The following BMP6 variants were observed in gnomAD, a reference collection of about 807,000 sequenced individuals.
BMP6 encodes the protein bone morphogenetic protein 6.
Under a neutral mutation model 54.1 loss-of-function variants are expected in BMP6, and 17 were observed. The ratio of observed to expected loss-of-function variants is 0.31; its 90% confidence interval spans 0.22 to 0.47. BMP6 has a LOEUF of 0.47. Ranked by LOEUF, BMP6 falls within the 20% of genes least tolerant of loss-of-function variation. The pLI, the probability that BMP6 is intolerant of heterozygous loss-of-function variation, is 1.00. For synonymous variants in BMP6, 328 were observed against 291.2 expected, an observed-to-expected ratio of 1.13 and a Z score of -1.28; for missense variants, 720 against 690.4, an observed-to-expected ratio of 1.04 and a Z score of -0.48.
intron 1 of BMP6, among the ~76,000 whole-genome samples, chr6:7,737,423 C>T (rs528342684): frequency 1.6e-4 from 25 of 152,236 alleles, no homozygotes; most frequent in African/African-American, 5.5e-4. Context: ...GCCTTTCCCC[C>T]CATGGAGAAA....
intron 1 of BMP6, among the ~76,000 whole-genome samples, chr6:7,797,216 G>A (rs927622475): frequency 9.9e-5 from 15 of 152,164 alleles, no homozygotes; most frequent in African/African-American, 2.7e-4. Flanking sequence ...ATTTCAGGTG[G>A]TGCTTATTTT....
chr6:7,811,360 G>A (rs1758433094), intron 1 of BMP6, among the ~76,000 whole-genome samples: 1 of 152,142 alleles, frequency 6.6e-6, no homozygotes, highest in Admixed American at 6.5e-5. Flanking sequence ...GGGGGTCTTG[G>A]GTTGGGATAT....
At chr6:7,833,734 C>T (rs1289158188) in intron 1 of BMP6, among the ~76,000 whole-genome samples, 3 of 152,158 alleles carry the variant, frequency 2.0e-5, no homozygotes, top group South Asian at 4.1e-4. Flanking sequence ...GATGGGATTA[C>T]GTGCATGAAA....
At chr6:7,826,450 G>C (rs1758699580) in intron 1 of BMP6, among the ~76,000 whole-genome samples, 1 of 152,174 alleles carries the variant, frequency 6.6e-6, no homozygotes, top group Admixed American at 6.5e-5. Flanking sequence ...AGGTTTGAAT[G>C]ACCTGCAGGC....
chr6:7,790,514 CAAAAAAAAA>C (rs35572440), intron 1 of BMP6, among the ~76,000 whole-genome samples: 3,671 of 73,198 alleles, frequency 0.05, 53 homozygotes, highest in Middle Eastern at 0.068. Context: ...GACCCTGTCT[CAAAAAAAAA>C]AAAAAAAAAA....
At chr6:7,850,011 T>G (rs1440008001) in intron 2 of BMP6, among the ~76,000 whole-genome samples, 1 of 152,258 alleles carries the variant, frequency 6.6e-6, no homozygotes, top group Admixed American at 6.5e-5. Context: ...AAGGATGTTT[T>G]TTGTCATTTG....
At chr6:7,789,392 T>A (rs1328157987) in intron 1 of BMP6, among the ~76,000 whole-genome samples, 1 of 152,176 alleles carries the variant, frequency 6.6e-6, no homozygotes, top group Non-Finnish European at 1.5e-5. Context: ...ACCAGGCGTA[T>A]ATGTAGAGGA....
At chr6:7,810,749 A>T (rs1758423858) in intron 1 of BMP6, among the ~76,000 whole-genome samples, 1 of 152,224 alleles carries the variant, frequency 6.6e-6, no homozygotes, top group African/African-American at 2.4e-5. Context: ...GCATGAAAAT[A>T]CATTTGTTCT....
intron 4 of BMP6, among the ~76,000 whole-genome samples, chr6:7,870,962 G>T (rs753276911): frequency 2.6e-5 from 4 of 152,178 alleles, no homozygotes; most frequent in Non-Finnish European, 5.9e-5. Flanking sequence ...CTCCATCCCC[G>T]AAGGGAGTTG....
chr6:7,875,669 GA>G (rs1324704833), intron 4 of BMP6, among the ~76,000 whole-genome samples: 1 of 151,840 alleles, frequency 6.6e-6, no homozygotes, highest in East Asian at 1.9e-4. Context: ...CCCCATTGCA[GA>G]AAAAAAAGTT....
At chr6:7,766,920 G>C (rs1418577477) in intron 1 of BMP6, among the ~76,000 whole-genome samples, 1 of 151,286 alleles carries the variant, frequency 6.6e-6, no homozygotes, top group African/African-American at 2.4e-5. Context: ...TAAATCAAAT[G>C]GATATGGAAT....
intron 4 of BMP6, among the ~76,000 whole-genome samples, chr6:7,876,202 A>C (rs1207056430): frequency 6.6e-6 from 1 of 151,974 alleles, no homozygotes; most frequent in Non-Finnish European, 1.5e-5. Context: ...CATATTATTT[A>C]ATTTTTTAAT....
At position 7,727,002 on chromosome 6, in the gene BMP6, G is replaced by C; in HGVS notation, c.47G>C (p.Gly16Ala). 8.8e-7 allele frequency: 1 copy of C among 1,134,410 alleles called. No homozygotes were observed. Among genetic ancestry groups the C allele is most frequent in the Admixed American group, 4.9e-5 (1 of 20,366 alleles). The allele number at this position is 1,134,410 out of a possible 1,614,324, so 70.3% of individuals were successfully genotyped here. A position where few individuals can be genotyped will look rare whatever the true frequency, so the allele number is the denominator to read the frequency against. Residue 16 changes from glycine (G) to alanine (A), a missense_variant, in exon 1 of 7, where the codon GGG becomes GCG. Physicochemically the swap from Gly to Ala is moderately conservative, Grantham distance 60 (BLOSUM62 0). Coordinates refer to ENST00000283147, the MANE Select transcript of BMP6 (RefSeq NM_001718.6). ...GCGCAGTGGCTGTGCTGGTGGTGGG[G>C]GCTGCTGTGCAGCTGCTGCGGGCCC... The part of the protein sequence containing the change: ...RRAQWLCWWW[G>A]LLCSCCGPPP...
At chr6:7,817,666 A>C (rs1463666765) in intron 1 of BMP6, among the ~76,000 whole-genome samples, 1 of 152,052 alleles carries the variant, frequency 6.6e-6, no homozygotes, top group African/African-American at 2.4e-5. Context: ...TGGCACATGT[A>C]TACATATGTA....
intron 1 of BMP6, among the ~76,000 whole-genome samples, chr6:7,822,361 C>G (rs1758624797): frequency 6.6e-6 from 1 of 152,172 alleles, no homozygotes; most frequent in Non-Finnish European, 1.5e-5. Flanking sequence ...GGGACGTGGT[C>G]TGCAGAGACG....
chr6:7,870,657 C>CGG (rs1759510148), intron 4 of BMP6, among the ~76,000 whole-genome samples: 2 of 152,136 alleles, frequency 1.3e-5, no homozygotes, highest in Non-Finnish European at 2.9e-5. Context: ...AAAAACGGGT[C>CGG]TCACTCTGTT....
intron 2 of BMP6, among the ~76,000 whole-genome samples, chr6:7,856,815 C>G (rs1180463165): frequency 2.0e-5 from 3 of 151,594 alleles, no homozygotes; most frequent in Admixed American, 2.0e-4. Context: ...CCGGGATGGT[C>G]TCGATCTCCT....
At chr6:7,776,784 G>T (rs1757865988) in intron 1 of BMP6, among the ~76,000 whole-genome samples, 2 of 152,162 alleles carry the variant, frequency 1.3e-5, no homozygotes, top group South Asian at 4.1e-4. Context: ...CCAACCAGCT[G>T]GGATCACAGG....
intron 4 of BMP6, among the ~76,000 whole-genome samples, chr6:7,876,782 T>C (rs963205223): frequency 6.6e-6 from 1 of 152,192 alleles, no homozygotes; most frequent in Non-Finnish European, 1.5e-5. Context: ...ATTTGACTCT[T>C]TTTACATCTA....
Sources: allele counts gnomAD v4.1 joint callset (sites outside exome capture counted in the v4.1 genomes callset), GRCh38; gene constraint gnomAD v4.1.1; transcripts MANE v1.5; gene names NCBI Gene and HGNC (gene_info 2026-07-23, HGNC 2026-07-21).